The following TEK variants were observed in gnomAD, a reference collection of about 807,000 sequenced individuals.
The protein encoded by TEK is angiopoietin-1 receptor.
Under a neutral mutation model 131.8 loss-of-function variants are expected in TEK, and 43 were observed. That is an observed-to-expected ratio of 0.33 (90% CI 0.26 to 0.42). The LOEUF (loss-of-function observed/expected upper bound fraction) is 0.42. Among genes scored for constraint, TEK ranks in the 10% least tolerant of loss-of-function variants. TEK has a pLI of 1.00. For synonymous variants in TEK, 580 were observed against 491.6 expected, an observed-to-expected ratio of 1.18 and a Z score of -2.38; for missense variants, 1,162 against 1,384.4, an observed-to-expected ratio of 0.84 and a Z score of 2.55.
chr9:27,192,331 T>G (rs1433840742), intron 10 of TEK, among the ~76,000 whole-genome samples, 158 bp from the exon 11 acceptor site: 1 of 152,174 alleles, frequency 6.6e-6, no homozygotes, highest in African/African-American at 2.4e-5. Context: ...TTCCTCATAT[T>G]GGGAAGGATG....
At position 27,220,257 on chromosome 9, in the gene TEK, A is replaced by G. The variant is rs557225131; in HGVS notation, c.3200+112A>G. ...GTATACACTATACACAAACACCTAC[A>G]CACAGAGATCCCAAATAGGAACCCC... On this transcript the variant is annotated intron_variant, in intron 21 of 22. Coordinates refer to ENST00000380036, the MANE Select transcript of TEK (RefSeq NM_000459.5). 1.5e-5 allele frequency: 14 copies of G among 908,884 alleles called. 1 individual carries two copies. The South Asian group carries it at 1.7e-4, about 11-fold the overall frequency. The allele number at this position is 908,884 out of a possible 1,614,324, so 56.3% of individuals were successfully genotyped here.
chr9:27,157,067 C>G (rs1304139271), intron 1 of TEK, among the ~76,000 whole-genome samples: 2 of 152,130 alleles, frequency 1.3e-5, no homozygotes, highest in South Asian at 4.2e-4. Context: ...AAGTGTACTT[C>G]CTCATTTACA....
At chr9:27,183,365 G>T in intron 7 of TEK, 94 bp from the exon 8 acceptor site, 1 of 1,365,758 alleles carries the variant, frequency 7.3e-7, no homozygotes, top group South Asian at 1.2e-5. Context: ...GTTCTTGCCC[G>T]GTGCATGACT....
intron 1 of TEK, among the ~76,000 whole-genome samples, chr9:27,128,118 TG>T (rs1424974238): frequency 6.6e-6 from 1 of 152,200 alleles, no homozygotes; most frequent in Non-Finnish European, 1.5e-5. Flanking sequence ...AGGTCTAACT[TG>T]TAAGTCTTTA....
intron 16 of TEK, among the ~76,000 whole-genome samples, chr9:27,211,097 A>G (rs1825596528): frequency 6.7e-6 from 1 of 150,034 alleles, no homozygotes; most frequent in African/African-American, 2.5e-5. Flanking sequence ...ACTTCAGCCC[A>G]GGCGACAGAG....
chr9:27,169,375 TTC>T (rs1823863232), intron 3 of TEK, 100 bp from the exon 4 acceptor site: 2 of 1,499,774 alleles, frequency 1.3e-6, no homozygotes, highest in East Asian at 4.5e-5. Flanking sequence ...AGAGCACATT[TTC>T]TTGACCATGT....
intron 6 of TEK, 134 bp from the exon 7 acceptor site, chr9:27,180,106 G>T (rs757335943): frequency 2.3e-5 from 30 of 1,302,568 alleles, no homozygotes; most frequent in African/African-American, 2.9e-5. Context: ...TGGTAATTCA[G>T]ATAAATTACC....
intron 21 of TEK, among the ~76,000 whole-genome samples, chr9:27,227,626 T>C (rs955096198): frequency 1.3e-5 from 2 of 152,162 alleles, no homozygotes; most frequent in African/African-American, 4.8e-5. Flanking sequence ...AAAGAGCTCT[T>C]TGAGGCCTTT....
At chr9:27,174,287 G>C (rs906181771) in intron 6 of TEK, among the ~76,000 whole-genome samples, 2 of 151,988 alleles carry the variant, frequency 1.3e-5, no homozygotes, top group Admixed American at 1.3e-4. Context: ...TCCCATATCC[G>C]GCACTAAAGG....
At chr9:27,197,239 T>G in intron 11 of TEK, 76 bp from the exon 12 acceptor site, 57 of 1,505,730 alleles carry the variant, frequency 3.8e-5, no homozygotes, top group Non-Finnish European at 4.7e-5. Flanking sequence ...CATTTCAGTA[T>G]GAGATTTGGG....
rs536479594 is a variant in TEK at position 27,152,456 on chromosome 9, G to A, written c.53-5375G>A. ...ATTGGAGCAAGCATGTTGTGCTGCAGTGGAGTGTATTTTCATTGATATGTT... is the reference window on the plus strand; with the variant it reads ...ATTGGAGCAAGCATGTTGTGCTGCAATGGAGTGTATTTTCATTGATATGTT... On this transcript the variant is annotated intron_variant, in intron 1 of 22. Transcript: ENST00000380036. Among the ~76,000 whole-genome samples, 3 of 151,830 alleles carry A rather than the reference G, an allele frequency of 2.0e-5. No homozygotes were observed. In the South Asian group the frequency reaches 6.3e-4, roughly 32 times the overall value.
At chr9:27,146,930 C>T (rs375873096) in intron 1 of TEK, among the ~76,000 whole-genome samples, 9 of 152,092 alleles carry the variant, frequency 5.9e-5, no homozygotes, top group Non-Finnish European at 4.4e-5. Flanking sequence ...GGGGTTTCAC[C>T]GTGTTAGCCA....
At chr9:27,140,538 T>C (rs1822687868) in intron 1 of TEK, among the ~76,000 whole-genome samples, 1 of 152,158 alleles carries the variant, frequency 6.6e-6, no homozygotes, top group African/African-American at 2.4e-5. Context: ...TTTGTCTATA[T>C]ACGATTGCAC....
At chr9:27,227,814 T>C (rs1248339618) in intron 21 of TEK, among the ~76,000 whole-genome samples, 1 of 152,170 alleles carries the variant, frequency 6.6e-6, no homozygotes, top group Non-Finnish European at 1.5e-5. Flanking sequence ...TGACAGTGCT[T>C]CTAAAAGTCC....
chr9:27,172,640 C>A lies in TEK; in HGVS notation c.653C>A (p.Pro218His). 1 of 1,613,714 alleles carries A rather than the reference C, an allele frequency of 6.2e-7. No homozygotes were observed. Among genetic ancestry groups the A allele is most frequent in the Non-Finnish European group, 8.5e-7 (1 of 1,179,692 alleles). Residue 218 changes from proline to histidine, a missense_variant, in exon 5 of 23, where the codon CCT (proline) becomes CAT (histidine). Physicochemically the swap from Pro to His is moderately conservative, Grantham distance 77. This residue lies in a region of TEK where 436 missense variants were observed against 539.1 expected (regional missense o/e 0.81). Coordinates refer to ENST00000380036, the MANE Select transcript of TEK (RefSeq NM_000459.5). The part of the protein sequence containing the change: ...VRRCEAQKWG[P>H]ECNHLCTACM... ...GGATGTGAAGCCCAGAAGTGGGGAC[C>A]TGAATGCAACCATCTCTGTACTGCT...
At chr9:27,161,144 C>G (rs1292840119) in intron 2 of TEK, among the ~76,000 whole-genome samples, 6 of 152,140 alleles carry the variant, frequency 3.9e-5, no homozygotes, top group African/African-American at 1.2e-4. Flanking sequence ...TAATGATCCC[C>G]CCAAACTGAG....
chr9:27,227,849 G>A (rs1366558410), intron 21 of TEK, among the ~76,000 whole-genome samples: 1 of 152,072 alleles, frequency 6.6e-6, no homozygotes, highest in African/African-American at 2.4e-5. Flanking sequence ...ACTTTATGTG[G>A]GTGGCATTTT....
intron 9 of TEK, among the ~76,000 whole-genome samples, chr9:27,186,122 G>C (rs1824590180): frequency 6.6e-6 from 1 of 152,148 alleles, no homozygotes; most frequent in Non-Finnish European, 1.5e-5. Context: ...AGAAGCCCAG[G>C]CTATGCTATA....
At chr9:27,134,313 C>G (rs938630154) in intron 1 of TEK, among the ~76,000 whole-genome samples, 1 of 152,176 alleles carries the variant, frequency 6.6e-6, no homozygotes. Flanking sequence ...ATACTGCCCA[C>G]AAACTCAAGG....
Sources: gnomAD v4.1 joint callset for allele counts (sites outside exome capture counted in the v4.1 genomes callset) on GRCh38, gnomAD v4.1.1 for gene constraint, gnomAD v4.1.1 regional missense constraint, MANE v1.5 for transcripts, NCBI Gene and HGNC (gene_info 2026-07-23, HGNC 2026-07-21) for gene names.